Variants in CIZ1 observed in about 807,000 individuals in gnomAD.
CIZ1 encodes CDKN1A interacting zinc finger protein 1.
Under a neutral mutation model 118.6 loss-of-function variants are expected in CIZ1, and 58 were observed. The ratio of observed to expected loss-of-function variants is 0.49; its 90% CI spans 0.40 to 0.61. The LOEUF is 0.61. CIZ1 is among the 20% of genes least tolerant of loss of function. CIZ1 has a pLI of 0.00. For missense variants in CIZ1, 921 were observed against 1,115.9 expected, an observed-to-expected ratio of 0.83 and a Z score of 2.49; for synonymous variants, 448 against 443.4, an observed-to-expected ratio of 1.01 and a Z score of -0.13.
intron 9 of CIZ1, among the ~76,000 whole-genome samples, 179 bp from the exon 10 acceptor site, chr9:128,177,942 C>A (rs527428070): frequency 6.6e-6 from 1 of 152,140 alleles, no homozygotes; most frequent in Non-Finnish European, 1.5e-5. Context: ...AGTCAGGATG[C>A]GAACCCAGGT....
At chr9:128,170,611 C>T (rs1830011581) in intron 11 of CIZ1, among the ~76,000 whole-genome samples, 2 of 152,030 alleles carry the variant, frequency 1.3e-5, no homozygotes, top group Non-Finnish European at 2.9e-5. Context: ...ACCAAGATAG[C>T]GCCACTGCAC....
chr9:128,178,742 C>G lies in CIZ1; in HGVS notation c.1465G>C (p.Glu489Gln), dbSNP rs2130955022. 1 of 1,614,100 alleles carries G rather than the reference C, an allele frequency of 6.2e-7. No homozygotes were observed. Among genetic ancestry groups the G allele is most frequent in the East Asian group, 2.2e-5 (1 of 44,888 alleles). Residue 489 changes from glutamate to glutamine, a missense_variant, in exon 8 of 17, where the codon GAG (glutamate) becomes CAG (glutamine). By Grantham distance (29) the Glu-to-Gln change is conservative. Coordinates refer to ENST00000372938, the MANE Select transcript of CIZ1 (RefSeq NM_001131016.2). ...TPVVVHVCGL[E>Q]MPPDAVEAGG... ...GCTTCTACTGCATCAGGTGGCATCT[C>G]CAGCCCGCAGACATGAACCACAACT...
At chr9:128,193,905 A>C (rs1833311001), upstream of CIZ1, among the ~76,000 whole-genome samples, 1 of 152,150 alleles carries the variant, frequency 6.6e-6, no homozygotes, top group African/African-American at 2.4e-5. Flanking sequence ...GGTGGTAAGG[A>C]TGACATTACA....
At chr9:128,191,763 G>A (rs930608700), upstream of CIZ1, 55 of 1,407,072 alleles carry the variant, frequency 3.9e-5, no homozygotes, top group Non-Finnish European at 5.1e-5. The surrounding 1 kb of genome is among the most constrained non-coding windows in gnomAD (Gnocchi z 5.5). Context: ...ATCGCGAAGG[G>A]GAGGCTCGGA....
At chr9:128,173,735 G>C (rs555295061) in intron 11 of CIZ1, among the ~76,000 whole-genome samples, 45 of 152,210 alleles carry the variant, frequency 3.0e-4, no homozygotes, top group African/African-American at 1.1e-3. Context: ...GGCCGGGCAT[G>C]GTGGCTTGCA....
chr9:128,166,987 G>A lies in CIZ1; in HGVS notation c.2366-107C>T. On this transcript the variant is annotated intron_variant, in intron 15 of 16. Coordinates refer to ENST00000372938, the MANE Select transcript of CIZ1 (RefSeq NM_001131016.2). The surrounding 1 kb of genome is among the most constrained non-coding windows in gnomAD (Gnocchi z 4.4). ...CCCAACCCTCTAGGCAGGGGCAGAA[G>A]AGAAGGCTTCCCAGCCAGAATGCCA... The A allele has an allele frequency of 6.2e-7, 1 of 1,600,596 alleles. No homozygotes were observed. The highest frequency in any genetic ancestry group is 2.2e-5 in the East Asian group (1 of 44,522).
chr9:128,180,444 C>T lies in CIZ1; in HGVS notation c.762G>A (p.Ala254=), dbSNP rs139193991. ...TCAATCTCTTTGCTGGCAGCTCGGACGCCTCACAAGGCTCAGGCTCAGGTG... is the reference window on the plus strand; with the variant it reads ...TCAATCTCTTTGCTGGCAGCTCGGATGCCTCACAAGGCTCAGGCTCAGGTG... ...TPAPEPEPCE[A]SELPAKRLRS... Residue 254 remains alanine, a synonymous_variant, in exon 7 of 17, where the codon GCG becomes GCA. Coordinates refer to ENST00000372938, the MANE Select transcript of CIZ1 (RefSeq NM_001131016.2). 81 of 1,614,110 alleles carry T rather than the reference C, an allele frequency of 5.0e-5. No individual in the cohort carries two copies. The African/African-American group carries it at 7.3e-4, about 15-fold the overall frequency.
At position 128,166,547 on chromosome 9, in the gene CIZ1, C is replaced by T. The variant is rs999290213; in HGVS notation, c.2488-141G>A. On this transcript the variant is annotated intron_variant, in intron 16 of 16. Transcript: ENST00000372938. This position sits in a 1 kb window ranked among gnomAD's most constrained non-coding sequence, Gnocchi z 4.4. ...CGTGATGCACTCGGCCTCTCTGGGC[C>T]GTCTCTGGAGCTAACAGCCTGGCAC... is the stretch of plus-strand genomic sequence containing the variant. The T allele has an allele frequency of 2.1e-5, 20 of 942,374 alleles. No individual in the cohort carries two copies. The highest frequency in any genetic ancestry group is 2.0e-4 in the African/African-American group (12 of 60,330). 58.4% of individuals were successfully genotyped at this position (942,374 alleles called of 1,614,324 possible). A position where few individuals can be genotyped will look rare whatever the true frequency, so the allele number is the denominator to read the frequency against.
At chr9:128,174,168 C>A (rs561225568) in intron 11 of CIZ1, among the ~76,000 whole-genome samples, 3 of 152,198 alleles carry the variant, frequency 2.0e-5, no homozygotes, top group South Asian at 2.1e-4. Flanking sequence ...CCTGGGAACA[C>A]CCCCCTGCCT....
In CIZ1 at chr9:128,178,477, G is replaced by T. The variant is rs1831149718; in HGVS notation, c.1512C>A (p.Thr504=). ...AVEAGGGMEK[T]LPEPVGTQVS... is the part of the protein sequence containing the mutation. ...CTTGGGTGCCCACAGGCTCTGGCAAGGTCTTTTCCATGCCTGAAATGACAG... is the reference window on the plus strand; with the variant it reads ...CTTGGGTGCCCACAGGCTCTGGCAATGTCTTTTCCATGCCTGAAATGACAG... The change falls in exon 9 of 17, where the codon ACC becomes ACA. Residue 504 remains threonine (T), a synonymous_variant. Transcript: ENST00000372938. 1.2e-6 allele frequency: 2 copies of T among 1,614,210 alleles called. No homozygotes were observed. Among genetic ancestry groups the T allele is most frequent in the Non-Finnish European group, 8.5e-7 (1 of 1,180,040 alleles).
upstream of CIZ1, among the ~76,000 whole-genome samples, chr9:128,192,716 T>A (rs1833246485): frequency 6.6e-6 from 1 of 152,198 alleles, no homozygotes; most frequent in African/African-American, 2.4e-5. Context: ...CTAATTTTTG[T>A]ATTTTTAATA....
At position 128,203,755 on chromosome 9, in the gene CIZ1, C is replaced by T; in HGVS notation, c.-6+431G>A. The stretch of plus-strand genomic sequence containing the variant: ...CGCTGCACCCGCGGCCGGCGCGCCC[C>T]CCACCCCCAGCCGGAGCGAGGAGGC... On this transcript the variant is annotated intron_variant, in intron 1 of 17. Coordinates refer to the CIZ1 transcript ENST00000372948. The surrounding 1 kb of genome is among the most constrained non-coding windows in gnomAD (Gnocchi z 5.3). 1.1e-6 allele frequency: 1 copy of T among 914,470 alleles called. No individual in the cohort carries two copies. 56.6% of individuals were successfully genotyped at this position (914,470 alleles called of 1,614,324 possible).
Position 128,169,000 on chromosome 9 carries a change from C to G in CIZ1, c.2295+52G>C. The G allele has an allele frequency of 1.9e-6, 3 of 1,611,298 alleles. No individual in the cohort carries two copies. The South Asian group carries it at 3.3e-5, about 18-fold the overall frequency. Reference sequence around the variant, plus strand: ...TCCGGGAGGTGGGATGAGGTCTGTCCTGGGCTGGGAATCCAGCACCAAGCC... The same window carrying G: ...TCCGGGAGGTGGGATGAGGTCTGTCGTGGGCTGGGAATCCAGCACCAAGCC... On this transcript the variant is annotated intron_variant, in intron 14 of 16. Coordinates refer to ENST00000372938, the MANE Select transcript of CIZ1 (RefSeq NM_001131016.2).
At position 128,185,637 on chromosome 9, in the gene CIZ1, C is replaced by A; in HGVS notation, c.498G>T (p.Gly166=). The part of the protein sequence containing the change: ...RQSLLGPPPV[G]VPMNPSQFNL... Reference sequence around the variant, plus strand: ...TGAACTGGGAAGGGTTCATGGGGACCCCAACAGGAGGAGGTCCCAGCAAGG... The same window carrying A: ...TGAACTGGGAAGGGTTCATGGGGACACCAACAGGAGGAGGTCCCAGCAAGG... The change falls in exon 5 of 17, where the codon GGG becomes GGT. Residue 166 remains glycine (G), a synonymous_variant. Transcript: ENST00000372938. 3.8e-6 allele frequency: 6 copies of A among 1,575,052 alleles called. No homozygotes were observed. Among genetic ancestry groups the A allele is most frequent in the Non-Finnish European group, 5.2e-6 (6 of 1,160,088 alleles).
chr9:128,180,957 G>GAT (rs1831522702), intron 5 of CIZ1, 143 bp from the exon 6 acceptor site: 2 of 649,946 alleles, frequency 3.1e-6, no homozygotes, highest in Non-Finnish European at 5.4e-6. Flanking sequence ...GTTGCCGAGT[G>GAT]GATGATCTTA....
rs561541642 is a variant in CIZ1, at chr9:128,190,675, G to A, written c.170+13C>T. Reference sequence around the variant, plus strand: ...GCAAGGCTGAAGCCATCGCGCCCGAGAGGGGAACTCACCGGCTGACAGCCA... The same window carrying A: ...GCAAGGCTGAAGCCATCGCGCCCGAAAGGGGAACTCACCGGCTGACAGCCA... On this transcript the variant is annotated intron_variant, in intron 2 of 16. Transcript: ENST00000372938. 5 of 1,550,612 alleles carry A rather than the reference G, an allele frequency of 3.2e-6. No homozygotes were observed. Among genetic ancestry groups the A allele is most frequent in the East Asian group, 2.4e-5 (1 of 41,330 alleles).
rs766859324 is a variant in CIZ1, at chr9:128,172,146, TCAAAA to T, written c.1944-2044_1944-2040del. Among the ~76,000 whole-genome samples, 32 of 20,460 alleles carry T rather than the reference TCAAAA, an allele frequency of 1.6e-3. No homozygotes were observed. In the East Asian group the frequency reaches 0.051, roughly 33 times the overall value. 13.4% of individuals were successfully genotyped at this position (20,460 alleles called of 152,430 possible). A position where few individuals can be genotyped will look rare whatever the true frequency, so the allele number is the denominator to read the frequency against. On this transcript the variant is annotated intron_variant, in intron 11 of 16. Coordinates refer to ENST00000372938, the MANE Select transcript of CIZ1 (RefSeq NM_001131016.2). Reference sequence around the variant, plus strand: ...CTGGGTGACAGAGTGAGACACTGTCTCAAAAAAAAAAAAAAAAAAAAAAAAAAAAA... The same window carrying T: ...CTGGGTGACAGAGTGAGACACTGTCTAAAAAAAAAAAAAAAAAAAAAAAAA...
chr9:128,200,347 TA>T lies in CIZ1; in HGVS notation c.-6+3838del, dbSNP rs949949574. Among the ~76,000 whole-genome samples, 70 of 151,916 alleles carry T rather than the reference TA, an allele frequency of 4.6e-4. 2 individuals are homozygous for T. The highest frequency in any genetic ancestry group is 1.6e-3 in the African/African-American group (67 of 41,350). Reference sequence around the variant, plus strand: ...TTACAATAAGTTTCAATATTGTAATTAGGGGGGAAAAAGTAAAAATAATAAA... The same window carrying T: ...TTACAATAAGTTTCAATATTGTAATTGGGGGGAAAAAGTAAAAATAATAAA... On this transcript the variant is annotated intron_variant, in intron 1 of 17. Coordinates refer to the CIZ1 transcript ENST00000372948.
chr9:128,169,846 G>T, intron 12 of CIZ1, 174 bp downstream of exon 12: 1 of 1,041,646 alleles, frequency 9.6e-7, no homozygotes, highest in South Asian at 1.4e-5. Flanking sequence ...TGGACAGATG[G>T]GGAACCTGAA....
Sources: gnomAD v4.1 joint callset for allele counts (sites outside exome capture counted in the v4.1 genomes callset) on GRCh38, gnomAD v4.1.1 for gene constraint, Gnocchi (gnomAD v3.1) non-coding constraint, MANE v1.5 for transcripts, NCBI Gene and HGNC (gene_info 2026-07-23, HGNC 2026-07-21) for gene names.